Variants in CEP89 observed in about 807,000 individuals in gnomAD.
The protein encoded by CEP89 is centrosomal protein of 89 kDa.
In CEP89, 95 loss-of-function variants were observed where a neutral mutation model predicts 97.6. The ratio of observed to expected loss-of-function variants is 0.97; its 90% CI spans 0.82 to 1.15. The LOEUF (loss-of-function observed/expected upper bound fraction) is 1.15, where lower values mean the gene tolerates loss of function less well. Among genes scored for constraint, CEP89 ranks in the 50% most tolerant of loss-of-function variants. The probability of loss-of-function intolerance (pLI) is 0.00; values close to 1 mark genes in which losing one functional copy is unlikely to be tolerated. For synonymous variants in CEP89, 354 were observed against 349.1 expected (o/e 1.01, Z -0.16); for missense variants, 869 against 947.7 (o/e 0.92, Z 1.09).
chr19:32,926,216 T>C lies in CEP89; in HGVS notation c.1138A>G (p.Lys380Glu). The C allele has an allele frequency of 6.2e-7, 1 of 1,613,740 alleles. No homozygotes were observed. The highest frequency in any genetic ancestry group is 1.7e-5 in the Admixed American group (1 of 60,014). ...LLAYEDMMKEKDELNATLKEE... is the reference protein window; with the variant it reads ...LLAYEDMMKEEDELNATLKEE... The stretch of plus-strand genomic sequence containing the variant: ...TTGAGGGTGGCATTGAGCTCGTCCT[T>C]CTCTTTCATCATATCTTCATAAGCC... The change falls in exon 11 of 19, where the codon AAG becomes GAG. Residue 380 changes from lysine to glutamate, a missense_variant. Physicochemically the swap from Lys to Glu is moderately conservative, Grantham distance 56. Coordinates refer to ENST00000305768, the MANE Select transcript of CEP89 (RefSeq NM_032816.5).
chr19:32,892,798 A>G lies in CEP89; in HGVS notation c.1876-4957T>C, dbSNP rs143563901. Among the ~76,000 whole-genome samples the G allele has an allele frequency of 7.5e-3, 1,149 of 152,234 alleles. 9 individuals carry two copies. Among genetic ancestry groups the G allele is most frequent in the Middle Eastern group, 0.02 (6 of 294 alleles). ...AACACTGAGAGAATCTGTCACCACT[A>G]GACCCATCCTACATGAAATGCTTAA... is the stretch of plus-strand genomic sequence containing the variant. On this transcript the variant is annotated intron_variant, in intron 16 of 18. Transcript: ENST00000305768.
chr19:32,917,707 T>A (rs1442055696), intron 13 of CEP89: 1 of 686,522 alleles, frequency 1.5e-6, no homozygotes, highest in African/African-American at 1.9e-5. Flanking sequence ...ATGAGGCTCC[T>A]AGGGGTTGGG....
At chr19:32,950,159 T>A (rs917385070) in intron 4 of CEP89, among the ~76,000 whole-genome samples, 1 of 151,796 alleles carries the variant, frequency 6.6e-6, no homozygotes, top group African/African-American at 2.4e-5. Flanking sequence ...AAGGCCGACC[T>A]CAAGCTTTTT....
intron 16 of CEP89, among the ~76,000 whole-genome samples, chr19:32,893,862 C>A (rs551073921): frequency 6.6e-6 from 1 of 152,172 alleles, no homozygotes; most frequent in Non-Finnish European, 1.5e-5. Flanking sequence ...CACAACATAC[C>A]AAAACCTATG....
chr19:32,911,178 G>A (rs1436841575), intron 14 of CEP89, among the ~76,000 whole-genome samples: 1 of 152,158 alleles, frequency 6.6e-6, no homozygotes, highest in Non-Finnish European at 1.5e-5. Context: ...AATTGTATGG[G>A]ACCACTGTCG....
Position 32,915,453 on chromosome 19 carries a change from C to T in CEP89, c.1449G>A (p.Leu483=). The T allele has an allele frequency of 6.2e-7, 1 of 1,613,864 alleles. No individual in the cohort carries two copies. ...TCTCCAGCTGTTCCCTGTTCTCCGC[C>T]AGCTCCTTTTCCTGGCCGTGGGTTT... is the stretch of plus-strand genomic sequence containing the variant. ...EAKTHGQEKE[L]AENREQLEIL... is the part of the protein sequence containing the mutation. The change falls in exon 14 of 19, where the codon CTG becomes CTA. Residue 483 remains leucine, a synonymous_variant. Coordinates refer to ENST00000305768, the MANE Select transcript of CEP89 (RefSeq NM_032816.5).
intron 5 of CEP89, among the ~76,000 whole-genome samples, chr19:32,944,237 A>AAAAAAAAAAAAAAAAAAAAAG (rs1970749688): frequency 7.5e-6 from 1 of 134,066 alleles, no homozygotes; most frequent in South Asian, 2.7e-4. Flanking sequence ...AAAAAAAAAA[A>AAAAAAAAAAAAAAAAAAAAAG]GACTCTTCTT....
intron 8 of CEP89, among the ~76,000 whole-genome samples, chr19:32,932,785 TAA>T (rs11315162): frequency 1.4e-5 from 2 of 143,628 alleles, no homozygotes; most frequent in Non-Finnish European, 3.1e-5. Flanking sequence ...TAAAAAAAAT[TAA>T]AAAAAAAAAA....
chr19:32,898,380 C>G (rs1284018470), intron 16 of CEP89, among the ~76,000 whole-genome samples: 1 of 151,358 alleles, frequency 6.6e-6, no homozygotes, highest in Admixed American at 6.6e-5. Context: ...GGCTAGGATG[C>G]ATGTGGGTAT....
chr19:32,891,665 CAG>C (rs1599713732), intron 16 of CEP89, among the ~76,000 whole-genome samples: 1 of 151,604 alleles, frequency 6.6e-6, no homozygotes, highest in Admixed American at 6.6e-5. Flanking sequence ...ATCGAAGAGA[CAG>C]ATATAAAAAA....
intron 1 of CEP89, chr19:32,971,335 C>T (rs1230477541): frequency 4.7e-6 from 2 of 426,636 alleles, no homozygotes; most frequent in Non-Finnish European, 8.3e-6. Flanking sequence ...GGGACGAATG[C>T]TACAGGGGAG....
In CEP89 at chr19:32,966,396, GGAGGT is replaced by G; in HGVS notation, c.105_109del (p.Pro36SerfsTer41). On this transcript the variant is annotated frameshift_variant, in exon 2 of 19. Transcript: ENST00000305768. LOFTEE classifies it high-confidence loss of function. Reference sequence around the variant, plus strand: ...TGGAGATGGGTTGGGGCTGCGGGGAGGAGGTGTGCGTGGCACAGCTGCCTTCGGAG... The same window carrying G: ...TGGAGATGGGTTGGGGCTGCGGGGAGGTGCGTGGCACAGCTGCCTTCGGAG... The G allele has an allele frequency of 6.4e-7, 1 of 1,562,720 alleles. No individual in the cohort carries two copies. Among genetic ancestry groups the G allele is most frequent in the Non-Finnish European group, 8.7e-7 (1 of 1,151,504 alleles).
At chr19:32,922,645 C>T (rs1026773398) in intron 12 of CEP89, among the ~76,000 whole-genome samples, 10 of 152,020 alleles carry the variant, frequency 6.6e-5, no homozygotes, top group African/African-American at 2.2e-4. Flanking sequence ...GTCAGAAGTT[C>T]GAGACCAGCC....
At chr19:32,887,686 A>T in intron 17 of CEP89, 66 bp downstream of exon 17, 1 of 953,214 alleles carries the variant, frequency 1.0e-6, no homozygotes, top group Non-Finnish European at 1.7e-6. Flanking sequence ...TAAACACAAA[A>T]ATCCACAGCA....
intron 16 of CEP89, among the ~76,000 whole-genome samples, chr19:32,893,970 C>T (rs969534247): frequency 9.9e-5 from 15 of 152,060 alleles, no homozygotes; most frequent in Admixed American, 3.9e-4. Flanking sequence ...AATGATGTAC[C>T]TCAAGGAACT....
rs1970581335 is a variant in CEP89, at chr19:32,936,376, T to G, written c.667+1255A>C. On this transcript the variant is annotated intron_variant, in intron 7 of 18. Transcript: ENST00000305768. This position sits in a 1 kb window ranked among gnomAD's most constrained non-coding sequence, Gnocchi z 4.5. ...CTCTGCACTGGCCTGCAGTTGCCCC[T>G]TGGTGTGAGCAGCCTGGGTGCCATG... Among the ~76,000 whole-genome samples the G allele has an allele frequency of 6.6e-6, 1 of 152,086 alleles. No homozygotes were observed. Among genetic ancestry groups the G allele is most frequent in the Admixed American group, 6.5e-5 (1 of 15,282 alleles).
intron 5 of CEP89, among the ~76,000 whole-genome samples, chr19:32,941,811 T>G (rs1176519845): frequency 6.6e-6 from 1 of 152,150 alleles, no homozygotes; most frequent in Non-Finnish European, 1.5e-5. Context: ...CATCTCCTCC[T>G]CTGCAGCTGG....
intron 14 of CEP89, among the ~76,000 whole-genome samples, chr19:32,905,330 T>C (rs1202663296): frequency 1.3e-5 from 2 of 152,202 alleles, no homozygotes; most frequent in African/African-American, 2.4e-5. Context: ...ATGATCACTG[T>C]TGGGTTTTGG....
Position 32,926,178 on chromosome 19 carries a change from T to C in CEP89, c.1164+12A>G. On this transcript the variant is annotated intron_variant, in intron 11 of 18. Coordinates refer to ENST00000305768, the MANE Select transcript of CEP89 (RefSeq NM_032816.5). ...ATAAATCTTGTGTCTTCTGGGACAT[T>C]TGCCAGCCTACCTTGAGGGTGGCAT... is the stretch of plus-strand genomic sequence containing the variant. The C allele has an allele frequency of 6.3e-7, 1 of 1,594,110 alleles. No individual in the cohort carries two copies. The highest frequency in any genetic ancestry group is 8.6e-7 in the Non-Finnish European group (1 of 1,163,620).
Sources: gnomAD v4.1 joint callset for allele counts (sites outside exome capture counted in the v4.1 genomes callset) on GRCh38, gnomAD v4.1.1 for gene constraint, Gnocchi (gnomAD v3.1) non-coding constraint, MANE v1.5 for transcripts, NCBI Gene and HGNC (gene_info 2026-07-23, HGNC 2026-07-21) for gene names.